SLX4IP: variants seen among roughly 807,000 people sequenced by gnomAD.
SLX4IP encodes the protein SLX4 interacting protein, also known as protein SLX4IP.
Under a neutral mutation model 32.9 loss-of-function variants are expected in SLX4IP, and 34 were observed. That is an observed-to-expected ratio of 1.03 (90% CI 0.79 to 1.38). The LOEUF is 1.38. Among genes scored for constraint, SLX4IP ranks in the 40% most tolerant of loss-of-function variants. SLX4IP has a pLI of 0.00. For synonymous variants in SLX4IP, 172 were observed against 171.7 expected (o/e 1.00, Z -0.01); for missense variants, 444 against 479.0 (o/e 0.93, Z 0.68).
chr20:10,587,525 G>T (rs2066659762), intron 4 of SLX4IP, among the ~76,000 whole-genome samples: 1 of 151,988 alleles, frequency 6.6e-6, no homozygotes, highest in Non-Finnish European at 1.5e-5. Flanking sequence ...ATGAAGAAAA[G>T]TCCCTTTTTT....
rs6133943 is a variant in SLX4IP, at chr20:10,466,453, C to G, written c.27+8222C>G. Among the ~76,000 whole-genome samples the G allele has an allele frequency of 1.1e-3, 166 of 152,298 alleles. 1 individual carries two copies. In the East Asian group the frequency reaches 0.022, roughly 21 times the overall value. On this transcript the variant is annotated intron_variant, in intron 2 of 7. Coordinates refer to ENST00000334534, the MANE Select transcript of SLX4IP (RefSeq NM_001009608.3). ...CTTTCTCTGCTGCTTCCCTTCCCCCCCAACCTACTTTATTGTGGGTGGGAA... is the reference window on the plus strand; with the variant it reads ...CTTTCTCTGCTGCTTCCCTTCCCCCGCAACCTACTTTATTGTGGGTGGGAA...
At chr20:10,567,092 T>C (rs2066403878) in intron 4 of SLX4IP, among the ~76,000 whole-genome samples, 1 of 152,148 alleles carries the variant, frequency 6.6e-6, no homozygotes, top group African/African-American at 2.4e-5. Flanking sequence ...TAAGTCTGTG[T>C]TGAGCCCTAG....
At chr20:10,616,170 T>TCTATATCC (rs1192061481) in intron 6 of SLX4IP, among the ~76,000 whole-genome samples, 3 of 152,096 alleles carry the variant, frequency 2.0e-5, no homozygotes, top group African/African-American at 7.2e-5. Context: ...TCTCCCACTC[T>TCTATATCC]CTATATCCCG....
At chr20:10,508,723 C>T (rs761795721) in intron 2 of SLX4IP, among the ~76,000 whole-genome samples, 13 of 152,162 alleles carry the variant, frequency 8.5e-5, no homozygotes, top group Non-Finnish European at 1.6e-4. Context: ...GGCAGCTATC[C>T]CTTCTTGCTG....
intron 2 of SLX4IP, among the ~76,000 whole-genome samples, chr20:10,525,812 C>T (rs1226202210): frequency 6.6e-6 from 1 of 152,198 alleles, no homozygotes; most frequent in Non-Finnish European, 1.5e-5. Context: ...TTTCTGTTTA[C>T]CTTCACCTCT....
At chr20:10,495,073 C>T (rs2122403368) in intron 2 of SLX4IP, among the ~76,000 whole-genome samples, 1 of 152,224 alleles carries the variant, frequency 6.6e-6, no homozygotes, top group African/African-American at 2.4e-5. Context: ...ATCAAAACAT[C>T]ACATTGTACT....
chr20:10,437,054 A>C (rs1568680559), intron 1 of SLX4IP, among the ~76,000 whole-genome samples: 1 of 149,144 alleles, frequency 6.7e-6, no homozygotes, highest in Non-Finnish European at 1.5e-5. Flanking sequence ...GACTTGGAAA[A>C]CCTTGGGCCT....
intron 2 of SLX4IP, among the ~76,000 whole-genome samples, chr20:10,506,269 C>A (rs1037823206): frequency 6.6e-6 from 1 of 152,132 alleles, no homozygotes; most frequent in Admixed American, 6.6e-5. Context: ...ATTTTTGCAT[C>A]GCGATTATGC....
At chr20:10,545,466 T>C (rs1378046612) in intron 2 of SLX4IP, among the ~76,000 whole-genome samples, 1 of 152,166 alleles carries the variant, frequency 6.6e-6, no homozygotes, top group Non-Finnish European at 1.5e-5. Context: ...TACACAGTAC[T>C]CATTCTGTGA....
chr20:10,623,260 C>G lies in SLX4IP; in HGVS notation c.1108C>G (p.Leu370Val). ...HVLESLSSRH[L>V]MKNNPGQAQQ... ...TTTGGAAAGTCTCTCCTCCAGACAT[C>G]TTATGAAAAATAACCCAGGGCAGGC... The change falls in exon 8 of 8, where the codon CTT (leucine) becomes GTT (valine). Residue 370 changes from leucine (L) to valine (V), a missense_variant. By Grantham distance (32) the Leu-to-Val change is conservative. Transcript: ENST00000334534. 1 of 1,614,174 alleles carries G rather than the reference C, an allele frequency of 6.2e-7. No individual in the cohort carries two copies. Among genetic ancestry groups the G allele is most frequent in the Non-Finnish European group, 8.5e-7 (1 of 1,180,044 alleles).
At chr20:10,558,163 AC>A (rs895381511) in intron 3 of SLX4IP, among the ~76,000 whole-genome samples, 2 of 151,924 alleles carry the variant, frequency 1.3e-5, no homozygotes, top group Admixed American at 1.3e-4. Flanking sequence ...AACATGGTGA[AC>A]CCCCATCTCT....
chr20:10,538,845 T>C (rs2066074398), intron 2 of SLX4IP, among the ~76,000 whole-genome samples: 1 of 152,186 alleles, frequency 6.6e-6, no homozygotes. Context: ...CTGTATTATT[T>C]TGAGGTAAAC....
intron 2 of SLX4IP, among the ~76,000 whole-genome samples, chr20:10,473,896 C>T (rs964296575): frequency 1.1e-4 from 16 of 151,876 alleles, no homozygotes; most frequent in African/African-American, 3.9e-4. Flanking sequence ...GATCTTGGCT[C>T]ACTGCAACCT....
At chr20:10,622,401 G>A (rs879872108) in intron 7 of SLX4IP, among the ~76,000 whole-genome samples, 5 of 152,162 alleles carry the variant, frequency 3.3e-5, no homozygotes, top group Admixed American at 1.3e-4. Flanking sequence ...AAATGTGAAC[G>A]CCATCATAAA....
At chr20:10,500,270 G>A (rs982749854) in intron 2 of SLX4IP, among the ~76,000 whole-genome samples, 2 of 150,506 alleles carry the variant, frequency 1.3e-5, no homozygotes, top group African/African-American at 4.9e-5. Flanking sequence ...TGCGATTACA[G>A]GTGCCCGCCA....
intron 2 of SLX4IP, among the ~76,000 whole-genome samples, chr20:10,483,310 C>A (rs548526421): frequency 3.3e-5 from 5 of 151,998 alleles, no homozygotes; most frequent in Non-Finnish European, 5.9e-5. Context: ...TTAGTAGATG[C>A]GGGGTTTCAC....
intron 2 of SLX4IP, among the ~76,000 whole-genome samples, chr20:10,553,878 A>G (rs147180694): frequency 1.3e-5 from 2 of 152,226 alleles, no homozygotes; most frequent in African/African-American, 4.8e-5. Context: ...CATGCTTCAC[A>G]GTTTATTACC....
intron 2 of SLX4IP, among the ~76,000 whole-genome samples, chr20:10,500,804 A>G (rs1192909501): frequency 2.6e-5 from 4 of 152,200 alleles, no homozygotes; most frequent in African/African-American, 9.7e-5. Context: ...AGGGTCTACC[A>G]TTGCATGCTT....
chr20:10,545,883 C>T (rs1166785019), intron 2 of SLX4IP, among the ~76,000 whole-genome samples: 1 of 152,206 alleles, frequency 6.6e-6, no homozygotes, highest in Non-Finnish European at 1.5e-5. Context: ...GGAATATTTA[C>T]AGGGGTTTTC....
Sources: gnomAD v4.1 joint callset for allele counts (sites outside exome capture counted in the v4.1 genomes callset) on GRCh38, gnomAD v4.1.1 for gene constraint, MANE v1.5 for transcripts, NCBI Gene and HGNC (gene_info 2026-07-23, HGNC 2026-07-21) for gene names.